Variants in IL20RB observed in about 807,000 individuals in gnomAD.
The protein encoded by IL20RB is interleukin 20 receptor subunit beta.
In IL20RB, 21 loss-of-function variants were observed where a neutral mutation model predicts 33.3. The ratio of observed to expected loss-of-function variants is 0.63; its 90% CI spans 0.45 to 0.91. The LOEUF (loss-of-function observed/expected upper bound fraction) is 0.91, where lower values mean the gene tolerates loss of function less well. Among genes scored for constraint, IL20RB ranks in the 40% least tolerant of loss-of-function variants. IL20RB has a pLI of 0.00. For synonymous variants in IL20RB, 147 were observed against 146.8 expected (o/e 1.00, Z -0.01); for missense variants, 345 against 384.8 (o/e 0.90, Z 0.86).
At chr3:137,001,584 C>T (rs767970928) in intron 6 of IL20RB, among the ~76,000 whole-genome samples, 3 of 152,190 alleles carry the variant, frequency 2.0e-5, no homozygotes, top group Non-Finnish European at 4.4e-5. Flanking sequence ...TCCAACTAAA[C>T]CATGGAAAAT....
At chr3:136,972,621 T>C (rs896099696) in intron 1 of IL20RB, among the ~76,000 whole-genome samples, 5 of 152,198 alleles carry the variant, frequency 3.3e-5, no homozygotes, top group Admixed American at 6.5e-5. Flanking sequence ...GATGATTTTA[T>C]GTGGTATCAG....
At chr3:137,002,582 A>C (rs2107720310) in intron 6 of IL20RB, among the ~76,000 whole-genome samples, 1 of 150,502 alleles carries the variant, frequency 6.6e-6, no homozygotes, top group Non-Finnish European at 1.5e-5. Context: ...CCTTTTGAGA[A>C]GTGTCTGTTC....
intron 6 of IL20RB, among the ~76,000 whole-genome samples, chr3:137,005,515 T>C (rs1202926291): frequency 1.3e-5 from 2 of 152,236 alleles, no homozygotes; most frequent in African/African-American, 2.4e-5. Context: ...TTTACTATTA[T>C]GTAATGGCCT....
At chr3:136,966,558 T>C (rs1941356572) in intron 1 of IL20RB, among the ~76,000 whole-genome samples, 1 of 91,696 alleles carries the variant, frequency 1.1e-5, no homozygotes, top group Non-Finnish European at 2.1e-5. Context: ...TTTATCATTT[T>C]TTATTGTGTC....
chr3:136,962,536 G>C (rs1457308058), intron 1 of IL20RB, among the ~76,000 whole-genome samples: 2 of 152,102 alleles, frequency 1.3e-5, no homozygotes, highest in African/African-American at 4.8e-5. Flanking sequence ...GGTGGATCAC[G>C]AGGTCAGGAG....
At chr3:136,992,496 A>T (rs1942053004) in intron 5 of IL20RB, among the ~76,000 whole-genome samples, 1 of 152,272 alleles carries the variant, frequency 6.6e-6, no homozygotes, top group East Asian at 1.9e-4. Flanking sequence ...TCTGGAAGGG[A>T]CCTTATGGAA....
intron 6 of IL20RB, among the ~76,000 whole-genome samples, chr3:137,004,385 C>T (rs1178315109): frequency 6.6e-6 from 1 of 152,152 alleles, no homozygotes; most frequent in Admixed American, 6.6e-5. Context: ...GCTGTGAATC[C>T]GTCTGGTCCT....
intron 6 of IL20RB, among the ~76,000 whole-genome samples, chr3:136,996,703 G>A (rs931961634): frequency 2.6e-5 from 4 of 152,196 alleles, no homozygotes; most frequent in Non-Finnish European, 5.9e-5. Context: ...ACAGAGCTAA[G>A]TGCCAGATAC....
In IL20RB at chr3:136,982,199, C is replaced by T; in HGVS notation, c.255C>T (p.Pro85=). The T allele has an allele frequency of 1.2e-6, 2 of 1,600,812 alleles. No individual in the cohort carries two copies. Among genetic ancestry groups the T allele is most frequent in the Non-Finnish European group, 1.7e-6 (2 of 1,169,406 alleles). ...ESLYTSHIWI[P]SSWCSLTEGP... ...TGTACACGAGCCACATCTGGATCCC[C>T]AGCAGCTGGTGCTCACTCACTGAAG... The change falls in exon 3 of 7, where the codon CCC becomes CCT. Residue 85 remains proline (P), a synonymous_variant. Transcript: ENST00000329582.
Position 137,010,358 on chromosome 3 carries a change from C to G in IL20RB, c.*135C>G. The G allele has an allele frequency of 1.7e-6, 1 of 605,668 alleles. No individual in the cohort carries two copies. The highest frequency in any genetic ancestry group is 2.8e-5 in the East Asian group (1 of 35,706). 37.5% of individuals were successfully genotyped at this position (605,668 alleles called of 1,614,324 possible). A position where few individuals can be genotyped will look rare whatever the true frequency, so the allele number is the denominator to read the frequency against. The stretch of plus-strand genomic sequence containing the variant: ...TAGGAAGAGCCTGTTGTCTACAAGT[C>G]TAGAAGCAACCATCAGAGGCAGGGT... On this transcript the variant is annotated 3_prime_UTR_variant, in exon 7 of 7. Coordinates refer to ENST00000329582, the MANE Select transcript of IL20RB (RefSeq NM_144717.4).
intron 5 of IL20RB, among the ~76,000 whole-genome samples, chr3:136,994,359 A>T (rs1942087050): frequency 1.3e-5 from 2 of 152,204 alleles, no homozygotes; most frequent in African/African-American, 4.8e-5. Flanking sequence ...TTCACATTGC[A>T]TGCCTGTATC....
chr3:136,993,976 G>T (rs1336438454), intron 5 of IL20RB, among the ~76,000 whole-genome samples: 1 of 150,556 alleles, frequency 6.6e-6, no homozygotes, highest in African/African-American at 2.5e-5. Context: ...TTGCGCCACT[G>T]CACTCCAGCC....
chr3:136,970,746 A>G (rs982516790), intron 1 of IL20RB, among the ~76,000 whole-genome samples: 1 of 150,742 alleles, frequency 6.6e-6, no homozygotes, highest in East Asian at 2.0e-4. Flanking sequence ...TCCGCCTCCC[A>G]GGTTCAAGCG....
At chr3:136,989,212 A>G (rs1420558293) in intron 3 of IL20RB, among the ~76,000 whole-genome samples, 2 of 152,204 alleles carry the variant, frequency 1.3e-5, no homozygotes, top group East Asian at 1.9e-4. Context: ...GAATTATAGC[A>G]TTTGTCATTT....
intron 4 of IL20RB, among the ~76,000 whole-genome samples, chr3:136,989,860 T>G (rs570847637): frequency 6.6e-5 from 10 of 152,290 alleles, no homozygotes; most frequent in African/African-American, 2.4e-4. Context: ...ATCTTTTCAA[T>G]GCCTTTTTTC....
At position 136,991,939 on chromosome 3, in the gene IL20RB, A is replaced by G; in HGVS notation, c.533A>G (p.Glu178Gly). 6.2e-7 allele frequency: 1 copy of G among 1,613,998 alleles called. No individual in the cohort carries two copies. The change falls in exon 5 of 7, where the codon GAA (glutamate) becomes GGA (glycine). Residue 178 changes from glutamate (E) to glycine (G), a missense_variant and splice_region_variant. Coordinates refer to ENST00000329582, the MANE Select transcript of IL20RB (RefSeq NM_144717.4). ...ACTGTGTTTTCTGGTCTGTCAAAGG[A>G]ACATGTCAAAATGGTGAGGAGTGGG... Reference protein sequence around the residue: ...AYWRREPGAEEHVKMVRSGGI... With the variant: ...AYWRREPGAEGHVKMVRSGGI...
intron 3 of IL20RB, 54 bp downstream of exon 3, chr3:136,982,404 C>A: frequency 7.8e-7 from 1 of 1,278,034 alleles, no homozygotes; most frequent in Admixed American, 2.1e-5. Context: ...CCTTTAGGAA[C>A]CATGTTCACC....
intron 4 of IL20RB, among the ~76,000 whole-genome samples, chr3:136,989,829 C>CT (rs759237432): frequency 6.6e-6 from 1 of 152,206 alleles, no homozygotes; most frequent in Non-Finnish European, 1.5e-5. Context: ...ACCCTAAACT[C>CT]TAACATAGTT....
rs139114751 is a variant in IL20RB, at chr3:136,989,745, C to A, written c.531+180C>A. ...ATCAGCCTCTTCTCCAAAGAACTTCCTTGGTCCATTCAATCATGCCTTGGC... is the reference window on the plus strand; with the variant it reads ...ATCAGCCTCTTCTCCAAAGAACTTCATTGGTCCATTCAATCATGCCTTGGC... On this transcript the variant is annotated intron_variant, in intron 4 of 6. Transcript: ENST00000329582. Among the ~76,000 whole-genome samples the A allele has an allele frequency of 2.2e-3, 334 of 152,280 alleles. 2 individuals carry two copies. Among genetic ancestry groups the A allele is most frequent in the African/African-American group, 7.7e-3 (320 of 41,570 alleles).
Sources: allele counts gnomAD v4.1 joint callset (sites outside exome capture counted in the v4.1 genomes callset), GRCh38; gene constraint gnomAD v4.1.1; transcripts MANE v1.5; gene names NCBI Gene and HGNC (gene_info 2026-07-23, HGNC 2026-07-21).